RASGRP3: variants seen among roughly 807,000 people sequenced by gnomAD.
The protein encoded by RASGRP3 is RAS guanyl releasing protein 3, also known as ras guanyl-releasing protein 3.
In RASGRP3, 54 loss-of-function variants were observed where a neutral mutation model predicts 82.7. That is an observed-to-expected ratio of 0.65 (90% CI 0.52 to 0.82). The LOEUF (loss-of-function observed/expected upper bound fraction) is 0.82, where lower values mean the gene tolerates loss of function less well. RASGRP3 is among the 40% of genes least tolerant of loss of function. The pLI is 0.00. For synonymous variants in RASGRP3, 309 were observed against 300.5 expected (o/e 1.03, Z -0.29); for missense variants, 861 against 828.9 (o/e 1.04, Z -0.48).
chr2:33,529,097 A>G (rs1372628229), intron 10 of RASGRP3, among the ~76,000 whole-genome samples: 6 of 152,198 alleles, frequency 3.9e-5, no homozygotes, highest in Non-Finnish European at 8.8e-5. Flanking sequence ...CATAGAGCTA[A>G]AAGATAATAA....
intron 2 of RASGRP3, among the ~76,000 whole-genome samples, chr2:33,458,932 T>C (rs1036787303): frequency 6.6e-6 from 1 of 152,168 alleles, no homozygotes; most frequent in African/African-American, 2.4e-5. Context: ...TGGGGGCAAA[T>C]AGACTCTAAC....
At chr2:33,550,849 TG>T (rs150525740) in intron 14 of RASGRP3, among the ~76,000 whole-genome samples, 2,788 of 152,228 alleles carry the variant, frequency 0.018, 97 homozygotes, top group African/African-American at 0.064. Flanking sequence ...CCTCTGAGAA[TG>T]GGTAAATAAG....
chr2:33,453,518 T>A (rs1665900663), intron 2 of RASGRP3, among the ~76,000 whole-genome samples: 1 of 152,216 alleles, frequency 6.6e-6, no homozygotes, highest in Non-Finnish European at 1.5e-5. Context: ...CGTGGACTTC[T>A]CCATGGGTCT....
At position 33,562,959 on chromosome 2, in the gene RASGRP3, T is replaced by TAA. The variant is rs1676851820; in HGVS notation, c.*223_*224dup. 1 of 612,546 alleles carries TAA rather than the reference T, an allele frequency of 1.6e-6. No individual in the cohort carries two copies. The highest frequency in any genetic ancestry group is 2.8e-6 in the Non-Finnish European group (1 of 352,360). 37.9% of individuals were successfully genotyped at this position (612,546 alleles called of 1,614,324 possible). A position where few individuals can be genotyped will look rare whatever the true frequency, so the allele number is the denominator to read the frequency against. Reference sequence around the variant, plus strand: ...TATTTCCTCCTCCCCTACCCCTAGTTAAGTGCCACAAAGACTGTGTTATGT... The same window carrying TAA: ...TATTTCCTCCTCCCCTACCCCTAGTTAAAAGTGCCACAAAGACTGTGTTATGT... On this transcript the variant is annotated 3_prime_UTR_variant, in exon 18 of 18. Transcript: ENST00000403687.
At chr2:33,500,312 T>A (rs1241821914) in intron 1 of RASGRP3, among the ~76,000 whole-genome samples, 1 of 151,964 alleles carries the variant, frequency 6.6e-6, no homozygotes, top group Non-Finnish European at 1.5e-5. Flanking sequence ...CCGCAATCAA[T>A]CTGATAATTT....
At chr2:33,498,172 G>A (rs1285218242) in intron 1 of RASGRP3, among the ~76,000 whole-genome samples, 1 of 152,140 alleles carries the variant, frequency 6.6e-6, no homozygotes, top group East Asian at 1.9e-4. Context: ...AATAATAACA[G>A]CAGCTAACAC....
chr2:33,560,457 T>G (rs571239589), intron 17 of RASGRP3, among the ~76,000 whole-genome samples: 22 of 152,288 alleles, frequency 1.4e-4, no homozygotes, highest in African/African-American at 4.6e-4. Context: ...TTTAATGGCT[T>G]TAGGGTGTTC....
chr2:33,551,158 C>G (rs1345674757), intron 14 of RASGRP3, among the ~76,000 whole-genome samples: 1 of 152,088 alleles, frequency 6.6e-6, no homozygotes, highest in Non-Finnish European at 1.5e-5. Context: ...ACCAAAAATA[C>G]AAAAATTAGC....
chr2:33,550,682 G>A (rs1188290399), intron 14 of RASGRP3, among the ~76,000 whole-genome samples: 1 of 152,176 alleles, frequency 6.6e-6, no homozygotes, highest in Non-Finnish European at 1.5e-5. Context: ...AGTCGTGTTA[G>A]CTTTATTTGG....
chr2:33,532,420 T>C (rs891887685), intron 10 of RASGRP3: 2 of 152,166 alleles, frequency 1.3e-5, no homozygotes, highest in East Asian at 1.9e-4. Context: ...TTTTTTTTTA[T>C]TGTGGCGCTA....
intron 1 of RASGRP3, among the ~76,000 whole-genome samples, chr2:33,492,164 T>C (rs542406012): frequency 3.9e-5 from 6 of 152,196 alleles, no homozygotes; most frequent in South Asian, 4.1e-4. Context: ...TCCTTTTGCA[T>C]TGGGCAAGTC....
intron 17 of RASGRP3, among the ~76,000 whole-genome samples, chr2:33,561,544 G>A (rs1222974652): frequency 6.6e-6 from 1 of 151,128 alleles, no homozygotes; most frequent in Non-Finnish European, 1.5e-5. Flanking sequence ...GAATAAGGAA[G>A]AAGGGAAAAA....
chr2:33,488,400 C>A (rs910666158), intron 1 of RASGRP3, among the ~76,000 whole-genome samples: 2 of 152,052 alleles, frequency 1.3e-5, no homozygotes, highest in African/African-American at 4.8e-5. Flanking sequence ...AATAATGGAA[C>A]ACAGAAGATG....
intron 2 of RASGRP3, among the ~76,000 whole-genome samples, chr2:33,451,511 A>T (rs1455182756): frequency 6.6e-6 from 1 of 152,164 alleles, no homozygotes; most frequent in East Asian, 1.9e-4. Context: ...ATATTCCCCT[A>T]TCTTTTCTTG....
At chr2:33,438,358 T>A (rs766389158) in intron 1 of RASGRP3, among the ~76,000 whole-genome samples, 33 of 151,792 alleles carry the variant, frequency 2.2e-4, no homozygotes, top group Non-Finnish European at 3.7e-4. Flanking sequence ...AGGTTGGGAG[T>A]TTGAGATCAG....
chr2:33,559,431 A>G (rs1352530200), intron 17 of RASGRP3, among the ~76,000 whole-genome samples: 1 of 152,182 alleles, frequency 6.6e-6, no homozygotes, highest in Non-Finnish European at 1.5e-5. Flanking sequence ...TTTTAGATAA[A>G]GGAGAATTGG....
intron 2 of RASGRP3, among the ~76,000 whole-genome samples, chr2:33,513,609 G>C (rs1671141284): frequency 6.6e-6 from 1 of 152,168 alleles, no homozygotes; most frequent in Non-Finnish European, 1.5e-5. Flanking sequence ...GTCTAAAGTG[G>C]ATAAATGTCT....
rs531032008 is a variant in RASGRP3 at position 33,526,810 on chromosome 2, C to T, written c.808-327C>T. On this transcript the variant is annotated intron_variant, in intron 9 of 17. Transcript: ENST00000403687. ...AATAACAATTTTAATATTCGACATG[C>T]TTGAATTTGCGGACAGTAATATTTT... 5.9e-5 allele frequency among the ~76,000 whole-genome samples: 9 copies of T among 152,288 alleles called. No individual in the cohort carries two copies. The South Asian group carries it at 1.9e-3, about 32-fold the overall frequency.
intron 2 of RASGRP3, among the ~76,000 whole-genome samples, chr2:33,458,617 C>T (rs1262652345): frequency 6.6e-6 from 1 of 152,068 alleles, no homozygotes; most frequent in Non-Finnish European, 1.5e-5. Context: ...GATAGTGGAC[C>T]CTATTCCTGC....
Sources: gnomAD v4.1 joint callset for allele counts (sites outside exome capture counted in the v4.1 genomes callset) on GRCh38, gnomAD v4.1.1 for gene constraint, MANE v1.5 for transcripts, NCBI Gene and HGNC (gene_info 2026-07-23, HGNC 2026-07-21) for gene names.